The following ITPR1 variants were observed in gnomAD, a reference collection of about 807,000 sequenced individuals.
ITPR1 encodes inositol 1,4,5-trisphosphate-gated calcium channel ITPR1.
ITPR1 carries 96 observed loss-of-function variants against 318.4 expected under a neutral mutation model. That is an observed-to-expected ratio of 0.30 (90% CI 0.26 to 0.36). The LOEUF is 0.36. Ranked by LOEUF, ITPR1 falls within the 10% of genes least tolerant of loss-of-function variation. The pLI is 1.00. For missense variants in ITPR1, 2,440 were observed against 3,460.2 expected, an observed-to-expected ratio of 0.71 and a Z score of 7.40; for synonymous variants, 1,312 against 1,289.9, an observed-to-expected ratio of 1.02 and a Z score of -0.37.
In ITPR1 at chr3:4,806,169, C is replaced by T. The variant is rs576213473; in HGVS notation, c.7174C>T (p.Arg2392Ter). 3.1e-6 allele frequency: 5 copies of T among 1,613,620 alleles called. No individual in the cohort carries two copies. Among genetic ancestry groups the T allele is most frequent in the South Asian group, 1.1e-5 (1 of 91,070 alleles). Residue 2392 changes from arginine (R) to a stop codon, truncating the protein, a stop_gained, in exon 55 of 62, where the codon CGA (arginine) becomes TGA (stop). Coordinates refer to ENST00000649015, the MANE Select transcript of ITPR1 (RefSeq NM_001378452.1). LOFTEE classifies it high-confidence loss of function. ...GNCGTFTRGY[R>*]AMVLDVEFLY... ...CTGTGGGACATTCACAAGAGGCTAC[C>T]GAGCCATGGTTCTGGATGTTGAGTT... is the stretch of plus-strand genomic sequence containing the variant.
At chr3:4,758,785 G>A (rs2045216782) in intron 44 of ITPR1, among the ~76,000 whole-genome samples, 1 of 152,198 alleles carries the variant, frequency 6.6e-6, no homozygotes, top group African/African-American at 2.4e-5. Context: ...TTGGCTCCTT[G>A]CTATCCAGCC....
At chr3:4,494,084 G>A (rs571158714) in intron 1 of ITPR1, among the ~76,000 whole-genome samples, 8 of 152,336 alleles carry the variant, frequency 5.3e-5, no homozygotes, top group South Asian at 2.1e-4. Context: ...AAGTGTGGAC[G>A]AAGCTCATGT....
chr3:4,602,641 A>G (rs1345317448), intron 4 of ITPR1, among the ~76,000 whole-genome samples: 2 of 152,132 alleles, frequency 1.3e-5, no homozygotes, highest in African/African-American at 4.8e-5. Context: ...GGATTTTAAA[A>G]AGGGTTGTAG....
chr3:4,645,279 A>C (rs1264102840), intron 8 of ITPR1, 108 bp from the exon 9 acceptor site: 1 of 739,760 alleles, frequency 1.4e-6, no homozygotes, highest in Non-Finnish European at 2.4e-6. Context: ...TAGAGTTTTT[A>C]GTCTCAAGTA....
chr3:4,676,734 A>C lies in ITPR1; in HGVS notation c.2900A>C (p.Gln967Pro). The change falls in exon 24 of 62, where the codon CAG becomes CCG. Residue 967 changes from glutamine to proline, a missense_variant. Coordinates refer to ENST00000649015, the MANE Select transcript of ITPR1 (RefSeq NM_001378452.1). ...MAAAPEGNVKQAEPEKEDIMV... is the reference protein window; with the variant it reads ...MAAAPEGNVKPAEPEKEDIMV... ...GCTGCCCCTGAAGGCAATGTGAAGC[A>C]GGCAGAGCCTGAGAAGGAGGACATC... is the stretch of plus-strand genomic sequence containing the variant. 1 of 1,613,830 alleles carries C rather than the reference A, an allele frequency of 6.2e-7. No homozygotes were observed. Among genetic ancestry groups the C allele is most frequent in the Non-Finnish European group, 8.5e-7 (1 of 1,179,830 alleles).
intron 47 of ITPR1, among the ~76,000 whole-genome samples, chr3:4,776,937 AAAGGGTTCAGAACCCAG>A (rs1351009481): frequency 1.3e-5 from 2 of 152,252 alleles, no homozygotes. Context: ...GAAAGGGGAA[AAAGGGTTCAGAACCCAG>A]AATCAGTCAT....
At chr3:4,814,898 G>C in intron 58 of ITPR1, 155 bp from the exon 59 acceptor site, 1 of 689,828 alleles carries the variant, frequency 1.4e-6, no homozygotes, top group South Asian at 1.9e-5. Context: ...TTGAGACAGG[G>C]GACATGAAAA....
At chr3:4,546,772 T>TA (rs1200560910) in intron 4 of ITPR1, among the ~76,000 whole-genome samples, 10 of 151,922 alleles carry the variant, frequency 6.6e-5, no homozygotes, top group Non-Finnish European at 1.5e-5. Flanking sequence ...TTTTTTTTTT[T>TA]TTTTTTAATC....
In ITPR1 at chr3:4,675,191, A is replaced by T; in HGVS notation, c.2722A>T (p.Ser908Cys). ...ACATGTGACAACAATCTTCCCCATT[A>T]GCAAGATGGCGAAAGGAGAAGAGAA... ...CVHVTTIFPI[S>C]KMAKGEENKG... The change falls in exon 23 of 62, where the codon AGC becomes TGC. Residue 908 changes from serine to cysteine, a missense_variant. Ser to Cys is a moderately radical substitution (Grantham distance 112). Around this residue, in one of 23 missense-constraint regions of ITPR1, gnomAD observed 478 missense variants for 696.3 expected, o/e 0.69. Transcript: ENST00000649015. 6.2e-7 allele frequency: 1 copy of T among 1,612,636 alleles called. No homozygotes were observed. The highest frequency in any genetic ancestry group is 1.3e-5 in the African/African-American group (1 of 75,008).
intron 54 of ITPR1, among the ~76,000 whole-genome samples, chr3:4,804,414 G>A (rs2048431498): frequency 6.6e-6 from 1 of 152,224 alleles, no homozygotes; most frequent in Non-Finnish European, 1.5e-5. Flanking sequence ...AATCCTTGGA[G>A]ACTTCACATG....
chr3:4,602,147 C>T (rs149854848), intron 4 of ITPR1, among the ~76,000 whole-genome samples: 2 of 152,280 alleles, frequency 1.3e-5, no homozygotes, highest in African/African-American at 2.4e-5. Flanking sequence ...AAAGGTTAAA[C>T]ATAGAGTTAC....
rs149592140 is a variant in ITPR1, at chr3:4,541,364, A to G, written c.163+20270A>G. Among the ~76,000 whole-genome samples the G allele has an allele frequency of 8.2e-3, 1,240 of 152,130 alleles. 16 individuals carry two copies. The highest frequency in any genetic ancestry group is 0.044 in the Middle Eastern group (13 of 294). The stretch of plus-strand genomic sequence containing the variant: ...TAGGTGACAGTTTTGCTTGGTTTAG[A>G]ATTGTAGATTGATGGGTACTTTCTG... On this transcript the variant is annotated intron_variant, in intron 4 of 61. Coordinates refer to ENST00000649015, the MANE Select transcript of ITPR1 (RefSeq NM_001378452.1).
At chr3:4,715,266 T>A (rs886681688) in intron 39 of ITPR1, among the ~76,000 whole-genome samples, 4 of 152,232 alleles carry the variant, frequency 2.6e-5, no homozygotes, top group African/African-American at 9.6e-5. Context: ...ACCTACAGGT[T>A]GAACCTGTAA....
At chr3:4,507,458 A>G (rs1468238069) in intron 2 of ITPR1, among the ~76,000 whole-genome samples, 2 of 152,148 alleles carry the variant, frequency 1.3e-5, no homozygotes, top group African/African-American at 4.8e-5. Context: ...ATTGTATGAG[A>G]TCTTTCTGTT....
chr3:4,657,397 G>GTTT (rs1260470287), intron 12 of ITPR1, among the ~76,000 whole-genome samples: 2 of 125,702 alleles, frequency 1.6e-5, no homozygotes, highest in East Asian at 2.3e-4. Context: ...TTTTTTTTTT[G>GTTT]TTTTTTTTTT....
intron 4 of ITPR1, among the ~76,000 whole-genome samples, chr3:4,526,788 C>T (rs1249678244): frequency 2.6e-5 from 4 of 152,176 alleles, no homozygotes; most frequent in East Asian, 3.8e-4. Context: ...ATTTCACAAA[C>T]ACTTATTGGG....
In ITPR1 at chr3:4,661,790, C is replaced by T. The variant is rs144965617; in HGVS notation, c.1252-292C>T. ...TATTTGCTTTTTCTCTGTATATTTA[C>T]AAACATCTTCTTTAGTTATGAGAAT... is the stretch of plus-strand genomic sequence containing the variant. On this transcript the variant is annotated intron_variant, in intron 14 of 61. Coordinates refer to ENST00000649015, the MANE Select transcript of ITPR1 (RefSeq NM_001378452.1). Among the ~76,000 whole-genome samples the T allele has an allele frequency of 2.5e-3, 385 of 152,248 alleles. 2 individuals carry two copies. The highest frequency in any genetic ancestry group is 4.1e-3 in the Non-Finnish European group (280 of 68,006).
At chr3:4,820,168 A>G (rs9858749) in intron 60 of ITPR1, among the ~76,000 whole-genome samples, 118,853 of 151,986 alleles carry the variant, frequency 0.78, 50,929 homozygotes, top group East Asian at 0.97. Context: ...CCAATTGTTG[A>G]AACTGGCAAA....
chr3:4,535,859 A>G (rs2083828778), intron 4 of ITPR1, among the ~76,000 whole-genome samples: 1 of 152,142 alleles, frequency 6.6e-6, no homozygotes, highest in Admixed American at 6.5e-5. Context: ...CCTAGTTCTG[A>G]GTACAGCTAT....
Sources: allele counts gnomAD v4.1 joint callset (sites outside exome capture counted in the v4.1 genomes callset), GRCh38; gene constraint gnomAD v4.1.1; regional missense constraint gnomAD v4.1.1; transcripts MANE v1.5; gene names NCBI Gene and HGNC (gene_info 2026-07-23, HGNC 2026-07-21).